MCTP1: variants seen among roughly 807,000 people sequenced by gnomAD.
MCTP1 encodes multiple C2 and transmembrane domain containing 1, also known as multiple C2 and transmembrane domain-containing protein 1.
Under a neutral mutation model 120.6 loss-of-function variants are expected in MCTP1, and 69 were observed. The observed-to-expected ratio is 0.57, with a 90% CI of 0.47 to 0.70. The LOEUF (loss-of-function observed/expected upper bound fraction) is 0.70, where lower values mean the gene tolerates loss of function less well. MCTP1 is among the 30% of genes least tolerant of loss of function. The pLI, the probability that MCTP1 is intolerant of heterozygous loss-of-function variation, is 0.00. For missense variants in MCTP1, 1,203 were observed against 1,248.8 expected, an observed-to-expected ratio of 0.96 and a Z score of 0.55; for synonymous variants, 529 against 493.1, an observed-to-expected ratio of 1.07 and a Z score of -0.96.
At chr5:95,280,793 G>A (rs1226972159) in intron 1 of MCTP1, among the ~76,000 whole-genome samples, 1 of 152,182 alleles carries the variant, frequency 6.6e-6, no homozygotes, top group Non-Finnish European at 1.5e-5. Context: ...GCAGGCACAT[G>A]GAAAGTAGCC....
intron 17 of MCTP1, among the ~76,000 whole-genome samples, chr5:94,859,457 C>G (rs1338085249): frequency 6.6e-6 from 1 of 151,610 alleles, no homozygotes; most frequent in South Asian, 2.1e-4. Context: ...TGAATGTTCC[C>G]AACACAAAGA....
At chr5:94,775,952 A>G (rs1399730841) in intron 19 of MCTP1, among the ~76,000 whole-genome samples, 1 of 144,714 alleles carries the variant, frequency 6.9e-6, no homozygotes, top group Non-Finnish European at 1.5e-5. Flanking sequence ...TATATTATAG[A>G]AATATATTTA....
intron 19 of MCTP1, among the ~76,000 whole-genome samples, chr5:94,776,088 T>C (rs1260070381): frequency 6.6e-6 from 1 of 151,694 alleles, no homozygotes; most frequent in African/African-American, 2.4e-5. Flanking sequence ...CTACAGTCAG[T>C]ACTAAAGAAA....
At chr5:94,984,998 G>T (rs1170705062) in intron 2 of MCTP1, among the ~76,000 whole-genome samples, 2 of 152,028 alleles carry the variant, frequency 1.3e-5, no homozygotes, top group East Asian at 3.9e-4. Flanking sequence ...GGCATTTTAA[G>T]TACTATACAA....
intron 1 of MCTP1, among the ~76,000 whole-genome samples, chr5:95,260,218 A>G (rs1232833989): frequency 1.3e-5 from 2 of 152,242 alleles, no homozygotes; most frequent in Non-Finnish European, 1.5e-5. Flanking sequence ...ACTCAATTGA[A>G]CATGACACAA....
At chr5:95,201,775 G>A (rs891400376) in intron 1 of MCTP1, among the ~76,000 whole-genome samples, 3 of 152,030 alleles carry the variant, frequency 2.0e-5, no homozygotes, top group Non-Finnish European at 4.4e-5. Flanking sequence ...AAAGTGCTGG[G>A]ATTACAGGCG....
chr5:94,776,731 T>C (rs1360715790), intron 19 of MCTP1, among the ~76,000 whole-genome samples: 2 of 152,182 alleles, frequency 1.3e-5, no homozygotes, highest in East Asian at 1.9e-4. Context: ...TGTTTTCTCA[T>C]GAAATTCCAT....
At chr5:95,191,027 T>G (rs936789872) in intron 1 of MCTP1, among the ~76,000 whole-genome samples, 26 of 152,200 alleles carry the variant, frequency 1.7e-4, no homozygotes, top group Non-Finnish European at 2.9e-4. Flanking sequence ...AGCTAGTTTA[T>G]GAATTCTCAT....
rs771297699 is a variant in MCTP1, at chr5:95,284,121, G to T, written c.455C>A (p.Ser152Tyr). Residue 152 changes from serine (S) to tyrosine (Y), a missense_variant, in exon 1 of 23, where the codon TCC becomes TAC. Ser to Tyr is a moderately radical substitution (Grantham distance 144, BLOSUM62 -2). Transcript: ENST00000515393. The surrounding 1 kb of genome is among the most constrained non-coding windows in gnomAD (Gnocchi z 5.2). ...GGAAGAGGAAGGAGCTGAGTCGGGG[G>T]AGCGTCCGCCAGGAGGCGTCCCTCC... ...AAGGTPPGGR[S>Y]PDSAPSSSSA... The T allele has an allele frequency of 1.3e-6, 2 of 1,550,976 alleles. No individual in the cohort carries two copies.
At chr5:94,762,996 G>A (rs1462479166) in intron 19 of MCTP1, among the ~76,000 whole-genome samples, 1 of 152,064 alleles carries the variant, frequency 6.6e-6, no homozygotes, top group Non-Finnish European at 1.5e-5. Context: ...ATACATCATG[G>A]TCATCCACAA....
At chr5:94,743,337 A>G (rs959539214) in intron 19 of MCTP1, among the ~76,000 whole-genome samples, 7 of 151,114 alleles carry the variant, frequency 4.6e-5, no homozygotes, top group East Asian at 1.9e-4. Flanking sequence ...AAGAGAGTCT[A>G]TGATATGCCA....
At chr5:95,152,956 G>A (rs1476065150) in intron 1 of MCTP1, among the ~76,000 whole-genome samples, 1 of 152,166 alleles carries the variant, frequency 6.6e-6, no homozygotes, top group Non-Finnish European at 1.5e-5. Flanking sequence ...ACAGAGTAAG[G>A]ATATGGGCAT....
chr5:94,855,705 T>A (rs143405614), intron 17 of MCTP1, among the ~76,000 whole-genome samples: 279 of 151,834 alleles, frequency 1.8e-3, no homozygotes, highest in South Asian at 6.2e-3. Context: ...AAAGGAAACC[T>A]ATTATCTATG....
intron 1 of MCTP1, among the ~76,000 whole-genome samples, chr5:95,056,397 T>C (rs1050749306): frequency 2.0e-5 from 3 of 152,196 alleles, no homozygotes; most frequent in African/African-American, 4.8e-5. Context: ...TTAGTGGTTT[T>C]GAAATTATAT....
intron 1 of MCTP1, among the ~76,000 whole-genome samples, chr5:95,192,047 ATTTTTAC>A (rs975132942): frequency 5.3e-5 from 8 of 151,948 alleles, no homozygotes; most frequent in Non-Finnish European, 7.4e-5. Context: ...TACATTCACA[ATTTTTAC>A]TTTTTTCTCT....
chr5:95,121,581 A>G (rs960207536), intron 1 of MCTP1, among the ~76,000 whole-genome samples: 2 of 152,158 alleles, frequency 1.3e-5, no homozygotes, highest in Admixed American at 1.3e-4. Flanking sequence ...AACCAAAGCA[A>G]TCTATACATT....
At chr5:94,876,988 T>C (rs1385327262) in intron 12 of MCTP1, among the ~76,000 whole-genome samples, 1 of 151,942 alleles carries the variant, frequency 6.6e-6, no homozygotes, top group Non-Finnish European at 1.5e-5. Flanking sequence ...GACATGTAAA[T>C]ACACAATTAT....
At chr5:94,829,106 T>C (rs1787921673) in intron 17 of MCTP1, among the ~76,000 whole-genome samples, 1 of 152,204 alleles carries the variant, frequency 6.6e-6, no homozygotes, top group Non-Finnish European at 1.5e-5. Flanking sequence ...TGTAGGCACC[T>C]GAGGGAACCT....
chr5:95,207,084 G>A (rs1354383915), intron 1 of MCTP1, among the ~76,000 whole-genome samples: 2 of 152,064 alleles, frequency 1.3e-5, no homozygotes, highest in Admixed American at 6.6e-5. Context: ...ACACTTAAGG[G>A]TGTGTCAGGA....
Sources: allele counts gnomAD v4.1 joint callset (sites outside exome capture counted in the v4.1 genomes callset), GRCh38; gene constraint gnomAD v4.1.1; non-coding constraint Gnocchi (gnomAD v3.1); transcripts MANE v1.5; gene names NCBI Gene and HGNC (gene_info 2026-07-23, HGNC 2026-07-21).